Variants in DTHD1 observed in about 807,000 individuals in gnomAD.
DTHD1 encodes the protein death domain containing 1, also known as death domain-containing protein 1.
Under a neutral mutation model 74.8 loss-of-function variants are expected in DTHD1, and 59 were observed. The ratio of observed to expected loss-of-function variants is 0.79; its 90% confidence interval spans 0.64 to 0.98. DTHD1 has a LOEUF of 0.98. Among genes scored for constraint, DTHD1 ranks in the 50% least tolerant of loss-of-function variants. DTHD1 has a pLI of 0.00. For synonymous variants in DTHD1, 365 were observed against 371.1 expected (o/e 0.98, Z 0.19); for missense variants, 1,051 against 1,065.4 (o/e 0.99, Z 0.19).
rs56071138 is a variant in DTHD1, at chr4:36,312,585, TAA to T, written c.2096-3644_2096-3643del. On this transcript the variant is annotated intron_variant, in intron 7 of 9. Transcript: ENST00000639862. Reference sequence around the variant, plus strand: ...GAAGACCTTTCTGGAAAGGTGACATTAAAAAAAAAAAAAAGTCTCTAAGCGGG... The same window carrying T: ...GAAGACCTTTCTGGAAAGGTGACATTAAAAAAAAAAAAGTCTCTAAGCGGG... 5.0e-3 allele frequency among the ~76,000 whole-genome samples: 717 copies of T among 144,782 alleles called. 2 individuals carry two copies. The highest frequency in any genetic ancestry group is 0.014 in the Middle Eastern group (4 of 288). The allele number at this position is 144,782 out of a possible 152,430, so 95.0% of individuals were successfully genotyped here. A position where few individuals can be genotyped will look rare whatever the true frequency, so the allele number is the denominator to read the frequency against.
Position 36,343,689 on chromosome 4 carries a change from C to A in DTHD1, c.2586C>A (p.Phe862Leu). The A allele has an allele frequency of 6.4e-7, 1 of 1,551,746 alleles. No individual in the cohort carries two copies. The highest frequency in any genetic ancestry group is 1.4e-5 in the African/African-American group (1 of 73,148). Reference protein sequence around the residue: ...LCFWKKSLPTFTDKLRLLARH... With the variant: ...LCFWKKSLPTLTDKLRLLARH... Reference sequence around the variant, plus strand: ...TCTGGAAAAAATCGCTTCCAACTTTCACCGACAAACTTCGCCTCCTGGCTC... The same window carrying A: ...TCTGGAAAAAATCGCTTCCAACTTTAACCGACAAACTTCGCCTCCTGGCTC... The change falls in exon 10 of 10, where the codon TTC becomes TTA. Residue 862 changes from phenylalanine (F) to leucine (L), a missense_variant. By Grantham distance (22) the Phe-to-Leu change is conservative. Transcript: ENST00000639862.
chr4:36,318,855 C>G (rs954385723), intron 8 of DTHD1, among the ~76,000 whole-genome samples: 9 of 152,148 alleles, frequency 5.9e-5, no homozygotes, highest in African/African-American at 1.9e-4. Flanking sequence ...ACCTCGTGAT[C>G]CGCCCGCCTC....
At chr4:36,313,430 A>AC (rs1173797462) in intron 7 of DTHD1, among the ~76,000 whole-genome samples, 3 of 151,814 alleles carry the variant, frequency 2.0e-5, no homozygotes, top group Non-Finnish European at 4.4e-5. Context: ...AAAAAAAAAA[A>AC]AACAGAGTAG....
intron 2 of DTHD1, among the ~76,000 whole-genome samples, chr4:36,288,727 A>G (rs1490795914): frequency 6.6e-6 from 1 of 152,182 alleles, no homozygotes; most frequent in Non-Finnish European, 1.5e-5. Context: ...GCCTAAATCT[A>G]TTTGACTAGG....
intron 5 of DTHD1, among the ~76,000 whole-genome samples, chr4:36,302,018 G>C (rs1041595633): frequency 2.0e-5 from 3 of 152,074 alleles, no homozygotes; most frequent in Admixed American, 6.5e-5. Context: ...AAAAATTACT[G>C]TGTGGGCATG....
intron 2 of DTHD1, among the ~76,000 whole-genome samples, chr4:36,285,655 AT>A (rs1755659547): frequency 6.7e-6 from 1 of 149,182 alleles, no homozygotes; most frequent in Non-Finnish European, 1.5e-5. Context: ...AAAAAAAAAA[AT>A]ATGTGTTTTG....
chr4:36,309,866 C>T (rs536403165), intron 7 of DTHD1, among the ~76,000 whole-genome samples: 2 of 152,238 alleles, frequency 1.3e-5, no homozygotes, highest in Non-Finnish European at 2.9e-5. Context: ...AGTTTTTCAG[C>T]CCTTGTAGTC....
At position 36,290,465 on chromosome 4, in the gene DTHD1, T is replaced by C; in HGVS notation, c.980T>C (p.Ile327Thr). The change falls in exon 3 of 10, where the codon ATA becomes ACA. Residue 327 changes from isoleucine (I) to threonine (T), a missense_variant. Physicochemically the swap from Ile to Thr is moderately conservative, Grantham distance 89 (BLOSUM62 -1). Coordinates refer to ENST00000639862, the MANE Select transcript of DTHD1 (RefSeq NM_001170700.3). ...GTTCTACAACAACTAGAATGCCGGATAATAAATCACATGAGTTCTTTAATA... is the reference window on the plus strand; with the variant it reads ...GTTCTACAACAACTAGAATGCCGGACAATAAATCACATGAGTTCTTTAATA... ...SYVLQQLECRIINHMSSLIVG... is the reference protein window; with the variant it reads ...SYVLQQLECRTINHMSSLIVG... 6.4e-7 allele frequency: 1 copy of C among 1,551,904 alleles called. No individual in the cohort carries two copies. The highest frequency in any genetic ancestry group is 2.4e-5 in the East Asian group (1 of 40,906).
chr4:36,295,520 C>A (rs1250612636), intron 5 of DTHD1, among the ~76,000 whole-genome samples: 3 of 151,618 alleles, frequency 2.0e-5, no homozygotes, highest in African/African-American at 4.8e-5. Context: ...AAGAAAAAAA[C>A]CAAAATCCTA....
intron 9 of DTHD1, 38 bp from the exon 10 acceptor site, chr4:36,343,464 A>T: frequency 1.3e-6 from 2 of 1,525,380 alleles, no homozygotes; most frequent in Non-Finnish European, 1.8e-6. Flanking sequence ...CCCCCAGGAG[A>T]GGGTCCTAAC....
At chr4:36,305,770 A>C (rs1320712433) in intron 5 of DTHD1, among the ~76,000 whole-genome samples, 2 of 152,102 alleles carry the variant, frequency 1.3e-5, no homozygotes, top group Non-Finnish European at 2.9e-5. Context: ...ACTCTTTGCT[A>C]TTCTAGAGCA....
chr4:36,291,502 T>C (rs1454757947), intron 3 of DTHD1, among the ~76,000 whole-genome samples: 1 of 152,240 alleles, frequency 6.6e-6, no homozygotes, highest in Non-Finnish European at 1.5e-5. Context: ...CACAAATTCA[T>C]ATGCTGTGAA....
intron 8 of DTHD1, among the ~76,000 whole-genome samples, chr4:36,324,445 A>C (rs1164720441): frequency 6.6e-6 from 1 of 152,260 alleles, no homozygotes; most frequent in Non-Finnish European, 1.5e-5. Context: ...TTTGATAATT[A>C]AAATTTCATT....
Position 36,339,098 on chromosome 4 carries a change from CT to C in DTHD1, c.2341-11del, listed in dbSNP as rs1234156136. 4.5e-6 allele frequency: 7 copies of C among 1,541,942 alleles called. No homozygotes were observed. In the African/African-American group the frequency reaches 8.2e-5, roughly 18 times the overall value. On this transcript the variant is annotated splice_polypyrimidine_tract_variant and intron_variant, in intron 8 of 9. Transcript: ENST00000639862. ...TACTTCTTCTGTTTATTTTGTGTTC[CT>C]TTCCCCCAATAGCATAAGAAATTAA... is the stretch of plus-strand genomic sequence containing the variant.
intron 5 of DTHD1, among the ~76,000 whole-genome samples, chr4:36,296,098 C>A (rs1040014389): frequency 6.6e-6 from 1 of 151,900 alleles, no homozygotes; most frequent in Non-Finnish European, 1.5e-5. Context: ...AACCAGAAAC[C>A]GATTATGTAA....
At chr4:36,305,420 T>C (rs771398395) in intron 5 of DTHD1, among the ~76,000 whole-genome samples, 4 of 152,060 alleles carry the variant, frequency 2.6e-5, no homozygotes, top group Admixed American at 6.5e-5. Context: ...AGAGACCCCT[T>C]ATAAAACCAT....
intron 2 of DTHD1, among the ~76,000 whole-genome samples, chr4:36,287,151 C>T (rs1460782025): frequency 6.6e-6 from 1 of 152,050 alleles, no homozygotes; most frequent in Non-Finnish European, 1.5e-5. Context: ...CCCCAGAGTC[C>T]CCAAAGTCTA....
intron 7 of DTHD1, among the ~76,000 whole-genome samples, chr4:36,314,732 CT>C (rs1161637730): frequency 4.0e-5 from 5 of 124,066 alleles, no homozygotes; most frequent in Admixed American, 8.4e-5. Context: ...CTTGACATTT[CT>C]TTAAACAATC....
At chr4:36,287,030 C>G (rs552017643) in intron 2 of DTHD1, among the ~76,000 whole-genome samples, 4 of 151,636 alleles carry the variant, frequency 2.6e-5, no homozygotes, top group African/African-American at 9.7e-5. Context: ...TTTGGTTACA[C>G]GAATAAGTTC....
Sources: gnomAD v4.1 joint callset for allele counts (sites outside exome capture counted in the v4.1 genomes callset) on GRCh38, gnomAD v4.1.1 for gene constraint, MANE v1.5 for transcripts, NCBI Gene and HGNC (gene_info 2026-07-23, HGNC 2026-07-21) for gene names.